EPHA6: variants seen among roughly 807,000 people sequenced by gnomAD.
The protein encoded by EPHA6 is ephrin type-A receptor 6.
EPHA6 carries 50 observed loss-of-function variants against 112.0 expected under a neutral mutation model. The observed-to-expected ratio is 0.45, with a 90% CI of 0.36 to 0.56. EPHA6 has a LOEUF of 0.56. Among genes scored for constraint, EPHA6 ranks in the 20% least tolerant of loss-of-function variants. The pLI is 0.00. For missense variants in EPHA6, 1,280 were observed against 1,417.4 expected (o/e 0.90, Z 1.56); for synonymous variants, 529 against 490.7 (o/e 1.08, Z -1.03).
intron 3 of EPHA6, among the ~76,000 whole-genome samples, chr3:97,097,247 A>G (rs189524688): frequency 3.8e-4 from 57 of 151,948 alleles, no homozygotes; most frequent in African/African-American, 1.3e-3. Context: ...GAAAATATAA[A>G]GAAAAATATT....
intron 3 of EPHA6, among the ~76,000 whole-genome samples, chr3:97,116,540 C>T (rs1277446951): frequency 1.3e-5 from 2 of 151,682 alleles, no homozygotes; most frequent in African/African-American, 4.8e-5. Context: ...ATATTCTCTG[C>T]TTCTATGCAT....
chr3:97,607,184 CAA>C (rs11437335), intron 12 of EPHA6, among the ~76,000 whole-genome samples: 25 of 85,982 alleles, frequency 2.9e-4, no homozygotes, highest in Non-Finnish European at 3.5e-4. Flanking sequence ...TTGTCTGAGG[CAA>C]AAAAAAAAAA....
intron 6 of EPHA6, among the ~76,000 whole-genome samples, chr3:97,428,175 A>G (rs2089280368): frequency 6.6e-6 from 1 of 152,208 alleles, no homozygotes; most frequent in Non-Finnish European, 1.5e-5. Context: ...TACATATAAT[A>G]TAAAAATATT....
chr3:97,060,631 G>A (rs1466926172), intron 3 of EPHA6, among the ~76,000 whole-genome samples: 8 of 152,060 alleles, frequency 5.3e-5, no homozygotes, highest in Admixed American at 5.2e-4. Flanking sequence ...AAGAAAGTCG[G>A]CCGGGCGCGG....
At chr3:97,592,441 T>G (rs746217976) in intron 11 of EPHA6, among the ~76,000 whole-genome samples, 171 bp from the exon 12 acceptor site, 2 of 148,674 alleles carry the variant, frequency 1.3e-5, no homozygotes, top group African/African-American at 4.9e-5. Context: ...TTCAAGAAAC[T>G]AAGTTGATTT....
At chr3:97,643,427 A>AT (rs1396849601) in intron 14 of EPHA6, among the ~76,000 whole-genome samples, 9 of 152,132 alleles carry the variant, frequency 5.9e-5, no homozygotes, top group African/African-American at 2.2e-4. Context: ...ATAGGATCAA[A>AT]TTCACACATA....
intron 14 of EPHA6, among the ~76,000 whole-genome samples, chr3:97,668,585 A>G (rs980164790): frequency 6.6e-6 from 1 of 152,078 alleles, no homozygotes; most frequent in East Asian, 1.9e-4. Flanking sequence ...TCCACCAATG[A>G]AGGCCCACTT....
At chr3:97,650,431 A>G (rs1295482982) in intron 14 of EPHA6, among the ~76,000 whole-genome samples, 1 of 152,166 alleles carries the variant, frequency 6.6e-6, no homozygotes, top group African/African-American at 2.4e-5. Context: ...TATGAAGCTT[A>G]GGAAACAACA....
At chr3:96,828,144 G>A (rs1409003072) in intron 1 of EPHA6, among the ~76,000 whole-genome samples, 1 of 151,790 alleles carries the variant, frequency 6.6e-6, no homozygotes, top group East Asian at 1.9e-4. Context: ...CCCCATCCCT[G>A]CAAAAAGAAA....
chr3:97,147,738 G>A (rs922383685), intron 3 of EPHA6, among the ~76,000 whole-genome samples: 1 of 151,978 alleles, frequency 6.6e-6, no homozygotes, highest in African/African-American at 2.4e-5. Flanking sequence ...CAGCATATCT[G>A]GTCAGTACAC....
At chr3:96,994,449 A>G (rs930122027) in intron 3 of EPHA6, among the ~76,000 whole-genome samples, 4 of 152,016 alleles carry the variant, frequency 2.6e-5, no homozygotes, top group Non-Finnish European at 5.9e-5. Context: ...GCTAATTTAC[A>G]TCAAATGGTC....
intron 3 of EPHA6, among the ~76,000 whole-genome samples, chr3:97,121,944 C>G (rs1158994760): frequency 1.3e-5 from 2 of 152,022 alleles, no homozygotes; most frequent in Admixed American, 6.6e-5. Context: ...CCCCCATATT[C>G]ATCACATTAT....
At chr3:97,051,473 A>T (rs1217804199) in intron 3 of EPHA6, among the ~76,000 whole-genome samples, 1 of 152,160 alleles carries the variant, frequency 6.6e-6, no homozygotes, top group African/African-American at 2.4e-5. Flanking sequence ...GCTCTGTGCC[A>T]TATGATATTC....
At chr3:97,135,132 T>C (rs1198424605) in intron 3 of EPHA6, among the ~76,000 whole-genome samples, 1 of 152,140 alleles carries the variant, frequency 6.6e-6, no homozygotes, top group Non-Finnish European at 1.5e-5. Flanking sequence ...AGATGATACA[T>C]AAAAACTTGA....
intron 10 of EPHA6, among the ~76,000 whole-genome samples, chr3:97,528,705 G>A (rs1485061499): frequency 2.0e-5 from 3 of 152,074 alleles, no homozygotes; most frequent in Admixed American, 2.0e-4. Context: ...GTCTCTTACT[G>A]CCTGTATGCT....
intron 11 of EPHA6, among the ~76,000 whole-genome samples, chr3:97,555,084 C>T (rs2093084948): frequency 6.6e-6 from 1 of 151,672 alleles, no homozygotes; most frequent in South Asian, 2.1e-4. Context: ...TCCCCCTTCC[C>T]CCCACCCCAC....
Position 97,043,230 on chromosome 3 carries a change from G to A in EPHA6, c.1114+55237G>A, listed in dbSNP as rs920185706. 3.9e-4 allele frequency among the ~76,000 whole-genome samples: 60 copies of A among 151,968 alleles called. 1 individual carries two copies. The highest frequency in any genetic ancestry group is 3.9e-3 in the Admixed American group (60 of 15,226). On this transcript the variant is annotated intron_variant, in intron 3 of 17. Coordinates refer to ENST00000389672, the MANE Select transcript of EPHA6 (RefSeq NM_001080448.3). ...CAGCTAAGGCCTCAGTCCTAATATA[G>A]GACCAGAGAGAAGATGTAATATCTC...
intron 3 of EPHA6, among the ~76,000 whole-genome samples, chr3:97,140,137 A>T (rs1041004754): frequency 6.6e-6 from 1 of 152,062 alleles, no homozygotes; most frequent in Non-Finnish European, 1.5e-5. Context: ...GAATTAACCT[A>T]GTCAGATAAA....
intron 7 of EPHA6, chr3:97,466,417 A>T (rs2091056798): frequency 8.7e-6 from 14 of 1,600,790 alleles, no homozygotes; most frequent in Non-Finnish European, 1.2e-5. Flanking sequence ...TATATTCCAT[A>T]GGACTCTCCA....
Sources: gnomAD v4.1 joint callset for allele counts (sites outside exome capture counted in the v4.1 genomes callset) on GRCh38, gnomAD v4.1.1 for gene constraint, MANE v1.5 for transcripts, NCBI Gene and HGNC (gene_info 2026-07-23, HGNC 2026-07-21) for gene names.